Variants in GEN1 observed in about 807,000 individuals in gnomAD.
GEN1 encodes the protein GEN1 structure-specific endonuclease.
Under a neutral mutation model 67.6 loss-of-function variants are expected in GEN1, and 64 were observed. The observed-to-expected ratio is 0.95, with a 90% CI of 0.77 to 1.17. The LOEUF (loss-of-function observed/expected upper bound fraction) is 1.17, where lower values mean the gene tolerates loss of function less well. Ranked by LOEUF, GEN1 falls within the 50% of genes most tolerant of loss-of-function variation. GEN1 has a pLI of 0.00. For missense variants in GEN1, 1,058 were observed against 1,048.3 expected (o/e 1.01, Z -0.13); for synonymous variants, 371 against 359.4 (o/e 1.03, Z -0.37).
chr2:17,757,383 T>A (rs1352871168), intron 1 of GEN1, among the ~76,000 whole-genome samples: 1 of 151,922 alleles, frequency 6.6e-6, no homozygotes, highest in African/African-American at 2.4e-5. Flanking sequence ...CTTATTGCTG[T>A]TTTATTTTTT....
chr2:17,767,639 A>T (rs889900774), intron 5 of GEN1, among the ~76,000 whole-genome samples: 1 of 152,230 alleles, frequency 6.6e-6, no homozygotes, highest in Non-Finnish European at 1.5e-5. Context: ...ATCATAATTA[A>T]AATCTATAAA....
intron 1 of GEN1, among the ~76,000 whole-genome samples, chr2:17,756,454 A>G (rs1024025025): frequency 5.3e-5 from 8 of 152,352 alleles, no homozygotes; most frequent in East Asian, 1.9e-4. Context: ...ATTGACATCA[A>G]TATACTTATT....
At chr2:17,776,913 C>T (rs1204294444) in intron 11 of GEN1, among the ~76,000 whole-genome samples, 2 of 152,054 alleles carry the variant, frequency 1.3e-5, no homozygotes, top group African/African-American at 4.8e-5. Context: ...TCAGTTGAGG[C>T]CAGGGATTCT....
At position 17,786,259 on chromosome 2, in the gene GEN1, T is replaced by C. The variant is rs1673056232; in HGVS notation, c.*4320T>C. On this transcript the variant is annotated 3_prime_UTR_variant, in exon 14 of 14. Coordinates refer to ENST00000381254, the MANE Select transcript of GEN1 (RefSeq NM_001130009.3). ...CATTTGGAAAGAGCACTATCAGATT[T>C]TGGATTCAAACTGAATGCAGCCAAG... 6.6e-6 allele frequency: 1 copy of C among 152,198 alleles called. No individual in the cohort carries two copies. Among genetic ancestry groups the C allele is most frequent in the East Asian group, 1.9e-4 (1 of 5,196 alleles). 9.4% of individuals were successfully genotyped at this position (152,198 alleles called of 1,614,324 possible). A position where few individuals can be genotyped will look rare whatever the true frequency, so the allele number is the denominator to read the frequency against.
At chr2:17,764,792 C>A in intron 3 of GEN1, 105 bp from the exon 4 acceptor site, 1 of 1,038,826 alleles carries the variant, frequency 9.6e-7, no homozygotes. Context: ...TTTAAAACAC[C>A]AAAATAGCTA....
chr2:17,779,565 A>G (rs1021001761), intron 12 of GEN1, among the ~76,000 whole-genome samples: 1 of 152,090 alleles, frequency 6.6e-6, no homozygotes, highest in Non-Finnish European at 1.5e-5. Context: ...TTTGTGAATG[A>G]TTTATTTTAC....
intron 13 of GEN1, 55 bp from the exon 14 acceptor site, chr2:17,780,566 C>A: frequency 8.4e-7 from 1 of 1,186,760 alleles, no homozygotes; most frequent in South Asian, 1.6e-5. Context: ...TATTTTTTAC[C>A]CAAGTTAAAG....
chr2:17,785,335 C>A lies in GEN1; in HGVS notation c.*3396C>A, dbSNP rs991157089. ...TTTTAAAGCATTCCATGTTCTTGTT[C>A]CTTGATGTGGTCATGTTATCACTTG... On this transcript the variant is annotated 3_prime_UTR_variant, in exon 14 of 14. Transcript: ENST00000381254. The A allele has an allele frequency of 1.3e-5, 2 of 152,050 alleles. No individual in the cohort carries two copies. Among genetic ancestry groups the A allele is most frequent in the Non-Finnish European group, 2.9e-5 (2 of 67,936 alleles). The allele number at this position is 152,050 out of a possible 1,614,324, so 9.4% of individuals were successfully genotyped here. A position where few individuals can be genotyped will look rare whatever the true frequency, so the allele number is the denominator to read the frequency against.
intron 12 of GEN1, 59 bp from the exon 13 acceptor site, chr2:17,779,919 C>A: frequency 1.4e-6 from 2 of 1,395,584 alleles, no homozygotes; most frequent in Non-Finnish European, 1.0e-6. Flanking sequence ...CAAGCCTGAC[C>A]GATTGAATTT....
chr2:17,769,195 A>G (rs565599298), intron 6 of GEN1, among the ~76,000 whole-genome samples: 2 of 151,862 alleles, frequency 1.3e-5, no homozygotes, highest in East Asian at 3.9e-4. Flanking sequence ...ACCATACTAC[A>G]TTTAAAATAT....
At chr2:17,765,725 T>C (rs1377273450) in intron 4 of GEN1, among the ~76,000 whole-genome samples, 1 of 152,182 alleles carries the variant, frequency 6.6e-6, no homozygotes, top group African/African-American at 2.4e-5. Context: ...TACAGTGCAG[T>C]CATTGAAAAG....
At chr2:17,766,802 A>T (rs898645191) in intron 5 of GEN1, 113 bp downstream of exon 5, 2 of 580,838 alleles carry the variant, frequency 3.4e-6, no homozygotes, top group Admixed American at 3.3e-5. Flanking sequence ...AATTTAAAAT[A>T]TAATTTCAGG....
intron 3 of GEN1, among the ~76,000 whole-genome samples, chr2:17,762,182 TTC>T (rs1671715248): frequency 6.6e-6 from 1 of 150,630 alleles, no homozygotes. Context: ...GCTTTTTTTT[TTC>T]TGTTTTCTTT....
chr2:17,785,523 T>A lies in GEN1; in HGVS notation c.*3584T>A, dbSNP rs1673028886. 6.6e-6 allele frequency: 1 copy of A among 152,310 alleles called. No homozygotes were observed. The highest frequency in any genetic ancestry group is 1.5e-5 in the Non-Finnish European group (1 of 68,092). 9.4% of individuals were successfully genotyped at this position (152,310 alleles called of 1,614,324 possible). On this transcript the variant is annotated 3_prime_UTR_variant, in exon 14 of 14. Transcript: ENST00000381254. ...TGATGGCTCCATGCTAAGGCCCTGCTCTGGCCTAACTGCTTTGGGCTTTGT... is the reference window on the plus strand; with the variant it reads ...TGATGGCTCCATGCTAAGGCCCTGCACTGGCCTAACTGCTTTGGGCTTTGT...
chr2:17,768,314 G>A (rs1672024585), intron 5 of GEN1, among the ~76,000 whole-genome samples: 1 of 152,146 alleles, frequency 6.6e-6, no homozygotes, highest in Non-Finnish European at 1.5e-5. Flanking sequence ...CTCTGTTTAT[G>A]TCTGGGTTTT....
intron 12 of GEN1, 58 bp downstream of exon 12, chr2:17,778,121 G>A: frequency 1.2e-6 from 1 of 838,814 alleles, no homozygotes; most frequent in Non-Finnish European, 2.0e-6. Flanking sequence ...TGTATGTCTA[G>A]TAAATATTGT....
chr2:17,774,961 G>A (rs1198893147), intron 11 of GEN1, among the ~76,000 whole-genome samples: 1 of 152,092 alleles, frequency 6.6e-6, no homozygotes, highest in African/African-American at 2.4e-5. Flanking sequence ...ATTACTCAAA[G>A]AGACTAGAGA....
intron 11 of GEN1, among the ~76,000 whole-genome samples, chr2:17,775,515 C>T (rs537173418): frequency 6.6e-6 from 1 of 152,148 alleles, no homozygotes; most frequent in Non-Finnish European, 1.5e-5. Context: ...AGTCGCAATA[C>T]ATGAAATACC....
chr2:17,778,403 T>TATATGTGTGTACATATATGTATACAC lies in GEN1; in HGVS notation c.1264+341_1264+342insTATGTGTGTACATATATGTATACACA, dbSNP rs1672644996. 4.7e-5 allele frequency among the ~76,000 whole-genome samples: 2 copies of TATATGTGTGTACATATATGTATACAC among 42,158 alleles called. 1 individual carries two copies. Among genetic ancestry groups the TATATGTGTGTACATATATGTATACAC allele is most frequent in the Non-Finnish European group, 9.9e-5 (2 of 20,270 alleles). The allele number at this position is 42,158 out of a possible 152,430, so 27.7% of individuals were successfully genotyped here. ...ATATATGTGTGTACATATATGTATATACACACATATATGTGTGTACATATA... is the reference window on the plus strand; with the variant it reads ...ATATATGTGTGTACATATATGTATATATATGTGTGTACATATATGTATACACACACACATATATGTGTGTACATATA... On this transcript the variant is annotated intron_variant, in intron 12 of 13. Coordinates refer to ENST00000381254, the MANE Select transcript of GEN1 (RefSeq NM_001130009.3).
Sources: gnomAD v4.1 joint callset for allele counts (sites outside exome capture counted in the v4.1 genomes callset) on GRCh38, gnomAD v4.1.1 for gene constraint, MANE v1.5 for transcripts, NCBI Gene and HGNC (gene_info 2026-07-23, HGNC 2026-07-21) for gene names.